Variants in PSME4 observed in about 807,000 individuals in gnomAD.
PSME4 encodes proteasome activator subunit 4, also known as proteasome activator complex subunit 4.
Under a neutral mutation model 253.9 loss-of-function variants are expected in PSME4, and 89 were observed. The ratio of observed to expected loss-of-function variants is 0.35; its 90% CI spans 0.30 to 0.42. PSME4 has a LOEUF of 0.42. Ranked by LOEUF, PSME4 falls within the 10% of genes least tolerant of loss-of-function variation. The probability of loss-of-function intolerance (pLI) is 1.00; values close to 1 mark genes in which losing one functional copy is unlikely to be tolerated. For missense variants in PSME4, 2,014 were observed against 2,195.2 expected, an observed-to-expected ratio of 0.92 and a Z score of 1.65; for synonymous variants, 851 against 759.2, an observed-to-expected ratio of 1.12 and a Z score of -1.99.
intron 41 of PSME4, 145 bp from the exon 42 acceptor site, chr2:53,875,900 C>A (rs1679092897): frequency 7.8e-6 from 5 of 641,296 alleles, no homozygotes; most frequent in East Asian, 3.1e-5. Context: ...GCATAATGAA[C>A]CCCCATGAGC....
In PSME4 at chr2:53,887,247, T is replaced by G. The variant is rs779554523; in HGVS notation, c.4729+12A>C. On this transcript the variant is annotated intron_variant, in intron 40 of 46. Transcript: ENST00000404125. ...GTTTTCAACTGAGTTTCTACTAATT[T>G]TATCCACTCACTGGTTTTCAAGAGT... is the stretch of plus-strand genomic sequence containing the variant. 1.3e-6 allele frequency: 2 copies of G among 1,598,512 alleles called. No homozygotes were observed. The highest frequency in any genetic ancestry group is 4.5e-5 in the East Asian group (2 of 44,776).
chr2:53,970,452 G>A, intron 1 of PSME4, 91 bp downstream of exon 1: 1 of 1,527,234 alleles, frequency 6.5e-7, no homozygotes, highest in Non-Finnish European at 8.8e-7. Flanking sequence ...CAGAGCTAAG[G>A]GTCCAGCCCT....
At chr2:53,891,430 T>A (rs1679900464) in intron 36 of PSME4, among the ~76,000 whole-genome samples, 1 of 152,292 alleles carries the variant, frequency 6.6e-6, no homozygotes, top group Admixed American at 6.5e-5. Context: ...GTATTTTAGT[T>A]AAAAAGGATA....
intron 1 of PSME4, among the ~76,000 whole-genome samples, chr2:53,966,693 G>A (rs985909953): frequency 6.6e-6 from 1 of 152,100 alleles, no homozygotes; most frequent in Admixed American, 6.6e-5. Flanking sequence ...GCAAAATCAA[G>A]TTTTTTGGGG....
At position 53,940,923 on chromosome 2, in the gene PSME4, TATATAATAC is replaced by T. The variant is rs1558413368; in HGVS notation, c.501-932_501-924del. The stretch of plus-strand genomic sequence containing the variant: ...TATATATAATACATATTTAAATATA[TATATAATAC>T]ATATATAAATATATATATACATATA... On this transcript the variant is annotated intron_variant, in intron 3 of 46. Transcript: ENST00000404125. 2.4e-5 allele frequency among the ~76,000 whole-genome samples: 3 copies of T among 126,102 alleles called. No homozygotes were observed. In the East Asian group the frequency reaches 6.3e-4, roughly 27 times the overall value. 82.7% of individuals were successfully genotyped at this position (126,102 alleles called of 152,430 possible).
At chr2:53,877,530 T>C (rs1003884344) in intron 41 of PSME4, among the ~76,000 whole-genome samples, 1 of 152,180 alleles carries the variant, frequency 6.6e-6, no homozygotes, top group African/African-American at 2.4e-5. Flanking sequence ...ATTCTGACAT[T>C]TGATAAATTA....
chr2:53,964,382 A>G (rs1670623682), intron 1 of PSME4, among the ~76,000 whole-genome samples: 1 of 152,260 alleles, frequency 6.6e-6, no homozygotes, highest in African/African-American at 2.4e-5. Context: ...CTATTACATT[A>G]TACAACTTTA....
intron 21 of PSME4, 103 bp downstream of exon 21, chr2:53,909,972 A>G: frequency 1.9e-6 from 2 of 1,035,114 alleles, no homozygotes; most frequent in South Asian, 1.3e-5. Context: ...TCTGTCTCAA[A>G]ACAAAACAAA....
intron 12 of PSME4, among the ~76,000 whole-genome samples, chr2:53,926,252 G>A (rs545977819): frequency 5.9e-5 from 9 of 152,256 alleles, no homozygotes; most frequent in African/African-American, 1.4e-4. Context: ...TTTTACAAGG[G>A]CCAAATACAG....
At chr2:53,967,979 G>A (rs1408575893) in intron 1 of PSME4, among the ~76,000 whole-genome samples, 1 of 152,000 alleles carries the variant, frequency 6.6e-6, no homozygotes, top group Non-Finnish European at 1.5e-5. Flanking sequence ...TGCTTCTCAA[G>A]AATTTAGTCC....
At position 53,895,755 on chromosome 2, in the gene PSME4, C is replaced by A; in HGVS notation, c.3689-19G>T. On this transcript the variant is annotated intron_variant, in intron 32 of 46. Transcript: ENST00000404125. The stretch of plus-strand genomic sequence containing the variant: ...CATCCACCTAAGGAAAAGACAATCA[C>A]ATTTGATGAATTTAAAAATATTCGC... 6.5e-7 allele frequency: 1 copy of A among 1,548,872 alleles called. No individual in the cohort carries two copies. Among genetic ancestry groups the A allele is most frequent in the Non-Finnish European group, 8.7e-7 (1 of 1,150,066 alleles).
chr2:53,911,648 T>C (rs1372619576), intron 20 of PSME4, among the ~76,000 whole-genome samples: 1 of 151,846 alleles, frequency 6.6e-6, no homozygotes, highest in African/African-American at 2.4e-5. Context: ...TATTAGAGTA[T>C]GTGTCTCCCC....
chr2:53,938,289 A>T (rs967569187), intron 4 of PSME4, among the ~76,000 whole-genome samples: 1 of 152,184 alleles, frequency 6.6e-6, no homozygotes, highest in Non-Finnish European at 1.5e-5. Flanking sequence ...CCTTCCTTGG[A>T]ACACAGAGTC....
chr2:53,883,898 TATCTTCACTTATAAAAGC>T (rs1158633439), intron 41 of PSME4, among the ~76,000 whole-genome samples: 2 of 152,200 alleles, frequency 1.3e-5, no homozygotes, highest in Admixed American at 1.3e-4. Context: ...GTTTATCCAT[TATCTTCACTTATAAAAGC>T]ATCTTCACTT....
intron 3 of PSME4, among the ~76,000 whole-genome samples, chr2:53,944,682 T>C (rs1246631969): frequency 1.3e-5 from 2 of 152,154 alleles, no homozygotes; most frequent in Admixed American, 6.5e-5. Flanking sequence ...GAGCTGCTGG[T>C]AGTAATTTAA....
rs748721534 is a variant in PSME4, at chr2:53,887,266, C to T, written c.4722G>A (p.Leu1574=). Residue 1574 remains leucine (L), a synonymous_variant, in exon 40 of 47, where the codon TTG becomes TTA. Transcript: ENST00000404125. Reference sequence around the variant, plus strand: ...CTAATTTTATCCACTCACTGGTTTTCAAGAGTTTAATGCCCTGAGTTCGCT... The same window carrying T: ...CTAATTTTATCCACTCACTGGTTTTTAAGAGTTTAATGCCCTGAGTTCGCT... The part of the protein sequence containing the change: ...EDERTQGIKL[L]KTILKWLMAS... 4.3e-6 allele frequency: 7 copies of T among 1,612,152 alleles called. No individual in the cohort carries two copies. Among genetic ancestry groups the T allele is most frequent in the Non-Finnish European group, 5.9e-6 (7 of 1,178,332 alleles).
intron 44 of PSME4, among the ~76,000 whole-genome samples, chr2:53,868,324 C>T (rs538828650): frequency 2.7e-5 from 4 of 150,880 alleles, no homozygotes; most frequent in South Asian, 2.1e-4. Flanking sequence ...TAGTAGCGCG[C>T]GCCTGCAATC....
chr2:53,887,780 TG>T, intron 39 of PSME4, 77 bp downstream of exon 39: 2 of 1,433,216 alleles, frequency 1.4e-6, no homozygotes, highest in Non-Finnish European at 9.5e-7. Flanking sequence ...ATAACCAGCA[TG>T]TATTATTACC....
chr2:53,923,191 T>TA, intron 15 of PSME4, 73 bp from the exon 16 acceptor site: 1 of 1,479,124 alleles, frequency 6.8e-7, no homozygotes, highest in South Asian at 1.3e-5. Context: ...TCAGTGGCAG[T>TA]AAAAGGCTGT....
Sources: allele counts gnomAD v4.1 joint callset (sites outside exome capture counted in the v4.1 genomes callset), GRCh38; gene constraint gnomAD v4.1.1; transcripts MANE v1.5; gene names NCBI Gene and HGNC (gene_info 2026-07-23, HGNC 2026-07-21).